The following MSH3 variants were observed in gnomAD, a reference collection of about 807,000 sequenced individuals.
The protein encoded by MSH3 is DNA mismatch repair protein Msh3.
A neutral mutation model predicts 123.3 loss-of-function variants in MSH3; 106 were observed. That is an observed-to-expected ratio of 0.86 (90% CI 0.73 to 1.01). The LOEUF (loss-of-function observed/expected upper bound fraction) is 1.01, where lower values mean the gene tolerates loss of function less well. MSH3 is among the 50% of genes least tolerant of loss of function. The pLI is 0.00. For synonymous variants in MSH3, 515 were observed against 481.4 expected, an observed-to-expected ratio of 1.07 and a Z score of -0.91; for missense variants, 1,459 against 1,347.6, an observed-to-expected ratio of 1.08 and a Z score of -1.29.
At chr5:80,745,440 A>G (rs1223129505) in intron 12 of MSH3, among the ~76,000 whole-genome samples, 1 of 152,190 alleles carries the variant, frequency 6.6e-6, no homozygotes, top group East Asian at 1.9e-4. Flanking sequence ...ACTCAAAATC[A>G]CCTTCTGAGA....
Position 80,787,652 on chromosome 5 carries a change from T to C in MSH3, c.2523T>C (p.Ala841=). 6.2e-7 allele frequency: 1 copy of C among 1,613,484 alleles called. No homozygotes were observed. The highest frequency in any genetic ancestry group is 8.5e-7 in the Non-Finnish European group (1 of 1,179,450). The part of the protein sequence containing the change: ...VDCIFSLAKV[A]KQGDYCRPTV... ...GCATTTTCTCCCTGGCCAAGGTCGC[T>C]AAGCAAGGAGATTACTGCAGGTAAG... is the stretch of plus-strand genomic sequence containing the variant. The change falls in exon 18 of 24, where the codon GCT becomes GCC. Residue 841 remains alanine, a synonymous_variant. Transcript: ENST00000265081.
At chr5:80,688,806 A>G (rs972140815) in intron 8 of MSH3, among the ~76,000 whole-genome samples, 6 of 152,146 alleles carry the variant, frequency 3.9e-5, no homozygotes, top group Admixed American at 1.3e-4. Flanking sequence ...TAATTTGGTT[A>G]AGAGGAAGTG....
chr5:80,663,348 GTT>G (rs1336912822), intron 2 of MSH3, among the ~76,000 whole-genome samples: 1 of 152,160 alleles, frequency 6.6e-6, no homozygotes. Flanking sequence ...ACAGTAGGCA[GTT>G]TCAGCAGCTA....
intron 2 of MSH3, among the ~76,000 whole-genome samples, chr5:80,664,158 A>G (rs779183919): frequency 1.3e-5 from 2 of 152,192 alleles, no homozygotes; most frequent in Non-Finnish European, 2.9e-5. Context: ...TGTTAGAGGA[A>G]CACAGAGAAA....
intron 20 of MSH3, among the ~76,000 whole-genome samples, chr5:80,848,865 C>G (rs1200171400): frequency 6.6e-6 from 1 of 152,158 alleles, no homozygotes; most frequent in African/African-American, 2.4e-5. Flanking sequence ...ACCAATCATG[C>G]CTTCCCAACA....
intron 19 of MSH3, among the ~76,000 whole-genome samples, chr5:80,805,050 C>G (rs1732045129): frequency 6.6e-6 from 1 of 152,148 alleles, no homozygotes; most frequent in Non-Finnish European, 1.5e-5. Flanking sequence ...TACATTGGGC[C>G]AAAAGACCCA....
At chr5:80,776,728 T>G (rs1027644599) in intron 16 of MSH3, among the ~76,000 whole-genome samples, 16 of 151,762 alleles carry the variant, frequency 1.1e-4, no homozygotes, top group Non-Finnish European at 2.1e-4. Context: ...ATCAATAAGT[T>G]GCACAAACAT....
intron 2 of MSH3, among the ~76,000 whole-genome samples, chr5:80,663,888 G>A (rs1276142107): frequency 6.6e-6 from 1 of 152,146 alleles, no homozygotes; most frequent in Non-Finnish European, 1.5e-5. Context: ...TAAACTTTTA[G>A]AAATGAACAA....
At chr5:80,859,635 G>A (rs1020035816) in intron 21 of MSH3, among the ~76,000 whole-genome samples, 55 of 149,476 alleles carry the variant, frequency 3.7e-4, no homozygotes, top group African/African-American at 1.2e-3. Context: ...CTTGTTCATT[G>A]TTCCTACATG....
At chr5:80,819,763 A>G (rs577032763) in intron 20 of MSH3, among the ~76,000 whole-genome samples, 1 of 152,268 alleles carries the variant, frequency 6.6e-6, no homozygotes, top group Non-Finnish European at 1.5e-5. Flanking sequence ...CTGGGATTAC[A>G]GGTGTGAGCC....
rs11415035 is a variant in MSH3 at position 80,812,584 on chromosome 5, C to CTTTTTTT, written c.2656-989_2656-983dup. On this transcript the variant is annotated intron_variant, in intron 19 of 23. Transcript: ENST00000265081. ...AGCTAGGCCCATTGGCTGGTTCTGG[C>CTTTTTTT]TTTTTTTTTTTTTTTTTGAGATGGA... 4.0e-5 allele frequency among the ~76,000 whole-genome samples: 5 copies of CTTTTTTT among 123,650 alleles called. 1 individual carries two copies. Among genetic ancestry groups the CTTTTTTT allele is most frequent in the African/African-American group, 9.2e-5 (3 of 32,434 alleles). The allele number at this position is 123,650 out of a possible 152,430, so 81.1% of individuals were successfully genotyped here.
chr5:80,711,990 A>G (rs777378772), intron 8 of MSH3, among the ~76,000 whole-genome samples: 5 of 152,132 alleles, frequency 3.3e-5, no homozygotes, highest in Non-Finnish European at 5.9e-5. Context: ...ATTGAAAAAA[A>G]TTTTAGTTGA....
intron 20 of MSH3, among the ~76,000 whole-genome samples, chr5:80,818,684 T>C (rs1183619778): frequency 6.6e-6 from 1 of 152,216 alleles, no homozygotes; most frequent in East Asian, 1.9e-4. Context: ...ACTTTAGTGA[T>C]ACATGCTAAA....
At chr5:80,835,850 G>A (rs994027075) in intron 20 of MSH3, among the ~76,000 whole-genome samples, 1 of 152,076 alleles carries the variant, frequency 6.6e-6, no homozygotes, top group Non-Finnish European at 1.5e-5. Context: ...TGGAGGTAGA[G>A]GTTACAGTGA....
In MSH3 at chr5:80,819,380, GTATATATGTA is replaced by G. The variant is rs1389005223; in HGVS notation, c.2813+5645_2813+5654del. The stretch of plus-strand genomic sequence containing the variant: ...TATATATATGTGTGTATATATATGT[GTATATATGTA>G]TATATGTGTATATATGTGTGTATAT... On this transcript the variant is annotated intron_variant, in intron 20 of 23. Transcript: ENST00000265081. Among the ~76,000 whole-genome samples, 5 of 14,022 alleles carry G rather than the reference GTATATATGTA, an allele frequency of 3.6e-4. No homozygotes were observed. The South Asian group carries it at 0.017, about 48-fold the overall frequency. The allele number at this position is 14,022 out of a possible 152,430, so 9.2% of individuals were successfully genotyped here. A position where few individuals can be genotyped will look rare whatever the true frequency, so the allele number is the denominator to read the frequency against.
At chr5:80,844,934 C>A (rs1745694033) in intron 20 of MSH3, among the ~76,000 whole-genome samples, 1 of 152,134 alleles carries the variant, frequency 6.6e-6, no homozygotes, top group Non-Finnish European at 1.5e-5. Context: ...TGAATTTGAT[C>A]CTGTCATTTT....
At chr5:80,775,988 C>G (rs1744292500) in intron 16 of MSH3, among the ~76,000 whole-genome samples, 1 of 151,720 alleles carries the variant, frequency 6.6e-6, no homozygotes, top group Non-Finnish European at 1.5e-5. Flanking sequence ...CTCCCTGATT[C>G]AAGGGATTCT....
intron 15 of MSH3, among the ~76,000 whole-genome samples, chr5:80,771,394 C>G (rs1470678749): frequency 6.6e-6 from 1 of 151,608 alleles, no homozygotes; most frequent in Non-Finnish European, 1.5e-5. Flanking sequence ...TAGAGAATCA[C>G]TTGAGCCTGA....
chr5:80,720,382 T>A (rs968329045), intron 8 of MSH3, among the ~76,000 whole-genome samples: 1 of 152,290 alleles, frequency 6.6e-6, no homozygotes, highest in South Asian at 2.1e-4. Flanking sequence ...TTTTAGGTCT[T>A]CTTTGCCAAC....
Sources: allele counts gnomAD v4.1 joint callset (sites outside exome capture counted in the v4.1 genomes callset), GRCh38; gene constraint gnomAD v4.1.1; transcripts MANE v1.5; gene names NCBI Gene and HGNC (gene_info 2026-07-23, HGNC 2026-07-21).